ANKRD27: variants seen among roughly 807,000 people sequenced by gnomAD.
The protein encoded by ANKRD27 is ankyrin repeat domain 27, also known as ankyrin repeat domain-containing protein 27.
Under a neutral mutation model 129.7 loss-of-function variants are expected in ANKRD27, and 112 were observed. That is an observed-to-expected ratio of 0.86 (90% confidence interval 0.74 to 1.01). ANKRD27 has a LOEUF of 1.01. ANKRD27 is among the 50% of genes least tolerant of loss of function. The pLI is 0.00. For synonymous variants in ANKRD27, 516 were observed against 511.2 expected, an observed-to-expected ratio of 1.01 and a Z score of -0.13; for missense variants, 1,258 against 1,300.5, an observed-to-expected ratio of 0.97 and a Z score of 0.50.
At chr19:32,640,955 G>A (rs1422727893) in intron 10 of ANKRD27, among the ~76,000 whole-genome samples, 1 of 152,060 alleles carries the variant, frequency 6.6e-6, no homozygotes, top group Admixed American at 6.6e-5. Context: ...CTGGAGTGCA[G>A]TGGCGCAATC....
chr19:32,668,835 A>G (rs1967811214), intron 1 of ANKRD27, among the ~76,000 whole-genome samples: 1 of 152,024 alleles, frequency 6.6e-6, no homozygotes, highest in Non-Finnish European at 1.5e-5. Context: ...TGCTGGGATT[A>G]TAAGTGTGAG....
At position 32,657,944 on chromosome 19, in the gene ANKRD27, C is replaced by CA. The variant is rs561633408; in HGVS notation, c.102+969dup. ...GAGCTGAGATCACGCCACCACACTC[C>CA]AGCCTGGGTGACAGAGCAAGACTCT... On this transcript the variant is annotated intron_variant, in intron 2 of 28. Transcript: ENST00000306065. 2.2e-4 allele frequency among the ~76,000 whole-genome samples: 33 copies of CA among 151,970 alleles called. No individual in the cohort carries two copies. The South Asian group carries it at 5.6e-3, about 26-fold the overall frequency.
rs1350373369 is a variant in ANKRD27, at chr19:32,633,435, T to C, written c.1117-1941A>G. Among the ~76,000 whole-genome samples the C allele has an allele frequency of 6.7e-5, 10 of 150,042 alleles. No individual in the cohort carries two copies. In the Admixed American group the frequency reaches 6.8e-4, roughly 10 times the overall value. On this transcript the variant is annotated intron_variant, in intron 12 of 28. Transcript: ENST00000306065. ...ACAGCCTTGAACTACCAGGTTCAAG[T>C]GATCCTCCCACCTTAGCTTCCCAAG...
chr19:32,661,242 CACACACACAT>C (rs1384823751), intron 1 of ANKRD27, among the ~76,000 whole-genome samples: 1 of 151,016 alleles, frequency 6.6e-6, no homozygotes, highest in Non-Finnish European at 1.5e-5. Context: ...CACACACACA[CACACACACAT>C]ATACTCACAC....
intron 15 of ANKRD27, among the ~76,000 whole-genome samples, 165 bp downstream of exon 15, chr19:32,627,918 G>A (rs1966919542): frequency 6.6e-6 from 1 of 152,214 alleles, no homozygotes; most frequent in African/African-American, 2.4e-5. Context: ...GAGGCCTGTG[G>A]AACGTTTGCT....
At chr19:32,671,540 A>G (rs1967870691) in intron 1 of ANKRD27, among the ~76,000 whole-genome samples, 1 of 152,010 alleles carries the variant, frequency 6.6e-6, no homozygotes, top group African/African-American at 2.4e-5. Context: ...TCTACTAAAA[A>G]TACAATTAGC....
chr19:32,654,659 C>CTT (rs5827816), intron 2 of ANKRD27, among the ~76,000 whole-genome samples: 1 of 151,632 alleles, frequency 6.6e-6, no homozygotes. Context: ...CTCCCTGATT[C>CTT]TTTTTTTCTT....
At chr19:32,668,722 T>C (rs1967808563) in intron 1 of ANKRD27, among the ~76,000 whole-genome samples, 1 of 152,048 alleles carries the variant, frequency 6.6e-6, no homozygotes, top group African/African-American at 2.4e-5. Flanking sequence ...GGTGCTGAGA[T>C]TACAGGCGTG....
At chr19:32,599,636 C>G in intron 28 of ANKRD27, 68 bp downstream of exon 28, 3 of 1,411,986 alleles carry the variant, frequency 2.1e-6, no homozygotes, top group Non-Finnish European at 3.0e-6. Flanking sequence ...GACGTGTTTA[C>G]CATGGATTAC....
At chr19:32,634,961 CGA>C (rs1412926995) in intron 12 of ANKRD27, among the ~76,000 whole-genome samples, 2 of 152,028 alleles carry the variant, frequency 1.3e-5, no homozygotes, top group Non-Finnish European at 2.9e-5. Context: ...AACACCAGCA[CGA>C]GAGAAGGAAC....
At chr19:32,663,280 C>T (rs528781965) in intron 1 of ANKRD27, among the ~76,000 whole-genome samples, 1 of 152,194 alleles carries the variant, frequency 6.6e-6, no homozygotes, top group Non-Finnish European at 1.5e-5. Context: ...TGAGGGATCC[C>T]AGCTGAGACC....
intron 1 of ANKRD27, among the ~76,000 whole-genome samples, chr19:32,662,175 G>C (rs180799662): frequency 3.9e-5 from 6 of 152,022 alleles, no homozygotes; most frequent in Admixed American, 6.6e-5. Context: ...AGTGGGGTGT[G>C]GTGGCATGTG....
At chr19:32,636,709 T>TTCTC (rs56115659) in intron 12 of ANKRD27, among the ~76,000 whole-genome samples, 48,747 of 145,192 alleles carry the variant, frequency 0.34, 8,528 homozygotes, top group Non-Finnish European at 0.39. Context: ...AAAAAAACAG[T>TTCTC]TCTCTCTCTC....
At chr19:32,608,436 A>AT (rs1971783682) in intron 22 of ANKRD27, 2 of 346,646 alleles carry the variant, frequency 5.8e-6, no homozygotes, top group South Asian at 4.6e-5. Flanking sequence ...AACCACCGCT[A>AT]TAAGAAACAG....
At position 32,625,886 on chromosome 19, in the gene ANKRD27, G is replaced by A. The variant is rs766636078; in HGVS notation, c.1617C>T (p.Tyr539=). The A allele has an allele frequency of 2.7e-5, 44 of 1,600,348 alleles. No homozygotes were observed. The highest frequency in any genetic ancestry group is 1.2e-4 in the Admixed American group (7 of 56,856). Residue 539 remains tyrosine (Y), a synonymous_variant, in exon 17 of 29, where the codon TAC becomes TAT. Coordinates refer to ENST00000306065, the MANE Select transcript of ANKRD27 (RefSeq NM_032139.3). ...GNTPLHLACT[Y]GHEDCVKALV... ...AAGAGCCACTCACGTCCTCGTGGCC[G>A]TAGGTGCAGGCCAGGTGGAGTGGCG...
intron 9 of ANKRD27, 167 bp downstream of exon 9, chr19:32,642,956 C>A: frequency 1.5e-6 from 1 of 678,466 alleles, no homozygotes; most frequent in Non-Finnish European, 2.5e-6. Flanking sequence ...CACACAGTCA[C>A]CTATAAAGGG....
At chr19:32,619,815 C>T (rs1387509094) in intron 18 of ANKRD27, among the ~76,000 whole-genome samples, 1 of 152,110 alleles carries the variant, frequency 6.6e-6, no homozygotes, top group Admixed American at 6.5e-5. Flanking sequence ...CTCAGGGCTT[C>T]CCACGCATGG....
chr19:32,674,952 C>A (rs1210715080), intron 1 of ANKRD27, 119 bp downstream of exon 1: 1 of 151,994 alleles, frequency 6.6e-6, no homozygotes, highest in Admixed American at 6.6e-5. Context: ...GAGCGGACTC[C>A]GGAGAGCAGG....
At chr19:32,612,610 T>C (rs1971850956) in intron 22 of ANKRD27, among the ~76,000 whole-genome samples, 1 of 152,022 alleles carries the variant, frequency 6.6e-6, no homozygotes, top group South Asian at 2.1e-4. Context: ...GATGGGCCCA[T>C]AGATCAATGC....
Sources: allele counts gnomAD v4.1 joint callset (sites outside exome capture counted in the v4.1 genomes callset), GRCh38; gene constraint gnomAD v4.1.1; transcripts MANE v1.5; gene names NCBI Gene and HGNC (gene_info 2026-07-23, HGNC 2026-07-21).